KCNH7: variants seen among roughly 807,000 people sequenced by gnomAD.
KCNH7 encodes the protein voltage-gated inwardly rectifying potassium channel KCNH7.
A neutral mutation model predicts 120.8 loss-of-function variants in KCNH7; 49 were observed. The ratio of observed to expected loss-of-function variants is 0.41; its 90% CI spans 0.32 to 0.51. KCNH7 has a LOEUF of 0.51. KCNH7 is among the 20% of genes least tolerant of loss of function. The pLI, the probability that KCNH7 is intolerant of heterozygous loss-of-function variation, is 0.38. For synonymous variants in KCNH7, 547 were observed against 516.1 expected, an observed-to-expected ratio of 1.06 and a Z score of -0.81; for missense variants, 1,097 against 1,446.6, an observed-to-expected ratio of 0.76 and a Z score of 3.92.
intron 2 of KCNH7, among the ~76,000 whole-genome samples, chr2:162,680,678 T>G (rs1417269304): frequency 6.6e-6 from 1 of 151,824 alleles, no homozygotes; most frequent in Non-Finnish European, 1.5e-5. Context: ...ATTAGAAGTC[T>G]GATTCTGGAG....
chr2:162,662,647 G>C (rs1685002824), intron 2 of KCNH7, among the ~76,000 whole-genome samples: 1 of 152,128 alleles, frequency 6.6e-6, no homozygotes, highest in Non-Finnish European at 1.5e-5. Context: ...TTTACAGCTA[G>C]TTCCTTTAGA....
intron 2 of KCNH7, among the ~76,000 whole-genome samples, chr2:162,577,265 C>G (rs1007166544): frequency 1.3e-5 from 2 of 150,616 alleles, no homozygotes; most frequent in African/African-American, 4.9e-5. Context: ...AAGGCCACAT[C>G]AAAGCATTAA....
chr2:162,806,093 T>C (rs1684530995), intron 2 of KCNH7, among the ~76,000 whole-genome samples: 1 of 151,882 alleles, frequency 6.6e-6, no homozygotes, highest in Non-Finnish European at 1.5e-5. Flanking sequence ...GGGGGCACGG[T>C]GGGAGGGAGA....
At chr2:162,593,691 A>G (rs1319932890) in intron 2 of KCNH7, among the ~76,000 whole-genome samples, 2 of 152,044 alleles carry the variant, frequency 1.3e-5, no homozygotes, top group Non-Finnish European at 2.9e-5. Context: ...AATCACAAAA[A>G]TAATACAGCC....
chr2:162,423,661 GA>G (rs1197548036), intron 8 of KCNH7, 126 bp from the exon 9 acceptor site: 45 of 822,354 alleles, frequency 5.5e-5, no homozygotes, highest in Non-Finnish European at 7.2e-5. Flanking sequence ...GGATCACGGG[GA>G]AAAAAAGAAG....
intron 2 of KCNH7, among the ~76,000 whole-genome samples, chr2:162,677,680 G>A (rs1685573165): frequency 6.6e-6 from 1 of 151,472 alleles, no homozygotes; most frequent in African/African-American, 2.4e-5. Context: ...ATGCATTTCA[G>A]TGGAATTTAC....
Position 162,721,322 on chromosome 2 carries a change from T to C in KCNH7, c.307+115215A>G, listed in dbSNP as rs531564084. On this transcript the variant is annotated intron_variant, in intron 2 of 15. Transcript: ENST00000332142. ...AATTCCTAAAGATTTAAAAATCAGC[T>C]ATTGTGGGTCAGCCATGCTGGTAGC... Among the ~76,000 whole-genome samples, 4 of 152,320 alleles carry C rather than the reference T, an allele frequency of 2.6e-5. No individual in the cohort carries two copies. In the East Asian group the frequency reaches 7.7e-4, roughly 29 times the overall value.
intron 14 of KCNH7, among the ~76,000 whole-genome samples, chr2:162,378,797 T>C (rs1475947687): frequency 6.6e-6 from 1 of 152,184 alleles, no homozygotes; most frequent in African/African-American, 2.4e-5. Context: ...AACACATGGC[T>C]GTTGAGCTGG....
intron 8 of KCNH7, among the ~76,000 whole-genome samples, chr2:162,430,937 G>A (rs1320292106): frequency 1.3e-5 from 2 of 151,758 alleles, no homozygotes; most frequent in Admixed American, 6.6e-5. Context: ...ATAAACATAT[G>A]AGCATCACTT....
intron 6 of KCNH7, 118 bp downstream of exon 6, chr2:162,504,325 G>T: frequency 1.4e-6 from 1 of 718,172 alleles, no homozygotes; most frequent in Non-Finnish European, 2.4e-6. Context: ...ATAAATAGGA[G>T]TACAAAGAAA....
intron 3 of KCNH7, among the ~76,000 whole-genome samples, chr2:162,519,775 C>T (rs1181102976): frequency 2.0e-5 from 3 of 151,762 alleles, no homozygotes; most frequent in Non-Finnish European, 1.5e-5. Context: ...GGTCAGTCAA[C>T]TTAAATCTTT....
chr2:162,432,839 G>T (rs1276796568), intron 8 of KCNH7, among the ~76,000 whole-genome samples: 1 of 151,894 alleles, frequency 6.6e-6, no homozygotes, highest in East Asian at 1.9e-4. Flanking sequence ...GAAATAGAAG[G>T]CCTCCAAACA....
At chr2:162,760,486 G>T (rs147471108) in intron 2 of KCNH7, among the ~76,000 whole-genome samples, 1 of 152,018 alleles carries the variant, frequency 6.6e-6, no homozygotes, top group African/African-American at 2.4e-5. Flanking sequence ...ATAATTCTGC[G>T]TCCCCTTAAT....
chr2:162,695,250 T>C (rs1686250376), intron 2 of KCNH7, among the ~76,000 whole-genome samples: 1 of 152,148 alleles, frequency 6.6e-6, no homozygotes. Flanking sequence ...GTTAAGTATA[T>C]TAATTTTCTA....
chr2:162,445,865 G>A (rs569493001), intron 7 of KCNH7, among the ~76,000 whole-genome samples, 153 bp downstream of exon 7: 1 of 152,248 alleles, frequency 6.6e-6, no homozygotes, highest in South Asian at 2.1e-4. Context: ...TGGCAAAATG[G>A]TTTCATTTCA....
intron 2 of KCNH7, among the ~76,000 whole-genome samples, chr2:162,771,358 T>C (rs1683048241): frequency 1.3e-5 from 2 of 152,178 alleles, no homozygotes; most frequent in Non-Finnish European, 2.9e-5. Flanking sequence ...TTGGCTTTTG[T>C]GAGTCTATAT....
chr2:162,634,172 G>A (rs1683863305), intron 2 of KCNH7, among the ~76,000 whole-genome samples: 1 of 151,970 alleles, frequency 6.6e-6, no homozygotes, highest in Non-Finnish European at 1.5e-5. Context: ...TTTAGCAGCA[G>A]CAGTAAATAC....
intron 2 of KCNH7, among the ~76,000 whole-genome samples, chr2:162,718,385 GC>G (rs1310562043): frequency 6.6e-6 from 1 of 151,872 alleles, no homozygotes; most frequent in Non-Finnish European, 1.5e-5. Flanking sequence ...TATCTTAAGA[GC>G]TTGTGAAAAT....
intron 2 of KCNH7, among the ~76,000 whole-genome samples, chr2:162,677,960 A>AT (rs1685582205): frequency 6.6e-6 from 1 of 151,372 alleles, no homozygotes; most frequent in Admixed American, 6.6e-5. Context: ...TTTCCTGCTC[A>AT]TTTTTTTCTA....
Sources: allele counts gnomAD v4.1 joint callset (sites outside exome capture counted in the v4.1 genomes callset), GRCh38; gene constraint gnomAD v4.1.1; transcripts MANE v1.5; gene names NCBI Gene and HGNC (gene_info 2026-07-23, HGNC 2026-07-21).